KIF6: variants seen among roughly 807,000 people sequenced by gnomAD.
The protein encoded by KIF6 is kinesin-like protein KIF6.
KIF6 carries 106 observed loss-of-function variants against 112.7 expected under a neutral mutation model. That is an observed-to-expected ratio of 0.94 (90% confidence interval 0.80 to 1.11). The LOEUF (loss-of-function observed/expected upper bound fraction) is 1.11, where lower values mean the gene tolerates loss of function less well. Among genes scored for constraint, KIF6 ranks in the 50% least tolerant of loss-of-function variants. The pLI, the probability that KIF6 is intolerant of heterozygous loss-of-function variation, is 0.00. For synonymous variants in KIF6, 339 were observed against 339.9 expected (o/e 1.00, Z 0.03); for missense variants, 929 against 964.0 (o/e 0.96, Z 0.48).
Position 39,445,573 on chromosome 6 carries a change from C to T in KIF6, c.1646-14412G>A, listed in dbSNP as rs1166440121. 3.9e-5 allele frequency among the ~76,000 whole-genome samples: 6 copies of T among 152,042 alleles called. No homozygotes were observed. In the East Asian group the frequency reaches 1.2e-3, roughly 29 times the overall value. On this transcript the variant is annotated intron_variant, in intron 13 of 22. Transcript: ENST00000287152. ...GCTCAGCACTGAGGGCATGGGAAGG[C>T]CAAAGTTTATGTTAAAAGGCAGGTG...
intron 2 of KIF6, among the ~76,000 whole-genome samples, chr6:39,717,363 G>C (rs561681856): frequency 3.9e-5 from 6 of 151,992 alleles, no homozygotes; most frequent in Non-Finnish European, 7.4e-5. Context: ...CATGCCGGGC[G>C]TTCTCCCCAT....
chr6:39,374,743 GAA>G lies in KIF6; in HGVS notation c.1861+10877_1861+10878del, dbSNP rs1766296834. ...AGATAAGTGTTGGTGAGGATGTGGA[GAA>G]AAGAGAACCCTTGTACACTGTTGGT... On this transcript the variant is annotated intron_variant, in intron 16 of 22. Transcript: ENST00000287152. Among the ~76,000 whole-genome samples the G allele has an allele frequency of 2.0e-5, 3 of 152,294 alleles. No homozygotes were observed. In the South Asian group the frequency reaches 6.2e-4, roughly 32 times the overall value.
rs374858139 is a variant in KIF6, at chr6:39,646,123, A to AAT, written c.252-6368_252-6367dup. Reference sequence around the variant, plus strand: ...ACCCTAGAACTTAACGTATAAGAAAAATATATATATATATAAAATAAATAA... The same window carrying AAT: ...ACCCTAGAACTTAACGTATAAGAAAAATATATATATATATATAAAATAAATAA... On this transcript the variant is annotated intron_variant, in intron 3 of 22. Transcript: ENST00000287152. 1.1e-3 allele frequency among the ~76,000 whole-genome samples: 160 copies of AAT among 149,510 alleles called. 1 individual carries two copies. The highest frequency in any genetic ancestry group is 2.0e-3 in the African/African-American group (81 of 40,764).
chr6:39,432,045 A>C (rs903044556), intron 13 of KIF6, among the ~76,000 whole-genome samples: 7 of 151,940 alleles, frequency 4.6e-5, no homozygotes, highest in East Asian at 3.9e-4. Context: ...ACCTCCGTGG[A>C]GCTTTCGTCA....
At chr6:39,397,204 T>C (rs776009872) in intron 15 of KIF6, among the ~76,000 whole-genome samples, 10 of 152,298 alleles carry the variant, frequency 6.6e-5, no homozygotes, top group Non-Finnish European at 1.0e-4. Flanking sequence ...ACCATCACTT[T>C]AGTTAGTAAT....
intron 16 of KIF6, among the ~76,000 whole-genome samples, chr6:39,363,366 A>G (rs1408742332): frequency 6.6e-6 from 1 of 152,156 alleles, no homozygotes; most frequent in Non-Finnish European, 1.5e-5. Context: ...GATGAGCCCA[A>G]GCCTTGGCGA....
chr6:39,367,302 GTCTCCA>G (rs1213474521), intron 16 of KIF6, among the ~76,000 whole-genome samples: 2 of 152,082 alleles, frequency 1.3e-5, no homozygotes, highest in Admixed American at 1.3e-4. Context: ...AGTTTTGTAG[GTCTCCA>G]TCCCCACGGG....
At chr6:39,714,827 A>G in intron 2 of KIF6, 61 bp from the exon 3 acceptor site, 1 of 1,122,426 alleles carries the variant, frequency 8.9e-7, no homozygotes, top group Non-Finnish European at 1.3e-6. Context: ...TCAGATTAAT[A>G]AATCTTGTTT....
At chr6:39,347,883 A>G (rs1763929493) in intron 19 of KIF6, among the ~76,000 whole-genome samples, 1 of 152,180 alleles carries the variant, frequency 6.6e-6, no homozygotes, top group Non-Finnish European at 1.5e-5. Context: ...GAGCCTGGGG[A>G]AGCCCCCCCT....
At chr6:39,558,931 A>G (rs547791506) in intron 10 of KIF6, among the ~76,000 whole-genome samples, 1 of 152,330 alleles carries the variant, frequency 6.6e-6, no homozygotes, top group African/African-American at 2.4e-5. Context: ...CTTTTTAATC[A>G]TATGAGATAA....
At chr6:39,685,956 A>C (rs1183945071) in intron 3 of KIF6, among the ~76,000 whole-genome samples, 4 of 152,256 alleles carry the variant, frequency 2.6e-5, no homozygotes, top group Non-Finnish European at 5.9e-5. Flanking sequence ...TACAATGCAA[A>C]AATCTGCTGC....
intron 3 of KIF6, among the ~76,000 whole-genome samples, chr6:39,657,598 T>G (rs13193976): frequency 0.12 from 18,274 of 152,284 alleles, 1,520 homozygotes; most frequent in South Asian, 0.24. Flanking sequence ...ATAAAAGTTG[T>G]GCAAGTAAAG....
At chr6:39,601,718 AC>A (rs1782582582) in intron 6 of KIF6, among the ~76,000 whole-genome samples, 1 of 116,084 alleles carries the variant, frequency 8.6e-6, no homozygotes, top group Non-Finnish European at 1.6e-5. Context: ...TGGGACACAC[AC>A]ACACACACAC....
At chr6:39,414,754 G>A (rs1562192305) in intron 15 of KIF6, among the ~76,000 whole-genome samples, 3 of 152,176 alleles carry the variant, frequency 2.0e-5, no homozygotes, top group Non-Finnish European at 4.4e-5. Flanking sequence ...ACAACTGAGA[G>A]AAATTTAAAC....
At chr6:39,442,254 G>C in intron 13 of KIF6, among the ~76,000 whole-genome samples, 1 of 152,218 alleles carries the variant, frequency 6.6e-6, no homozygotes, top group East Asian at 1.9e-4. Flanking sequence ...GGTGAGGAAA[G>C]GGCTGGCTTG....
intron 2 of KIF6, among the ~76,000 whole-genome samples, chr6:39,716,482 C>A (rs1789861757): frequency 6.6e-6 from 1 of 152,032 alleles, no homozygotes. Flanking sequence ...GTCATCATCC[C>A]AAAATATTGC....
intron 20 of KIF6, among the ~76,000 whole-genome samples, chr6:39,346,110 CCT>C (rs1562113164): frequency 0.17 from 5,831 of 34,544 alleles, 854 homozygotes; most frequent in African/African-American, 0.31. Context: ...TCCCCCCCTC[CCT>C]CTCCCTCTCC....
chr6:39,386,673 G>A (rs551064268), intron 15 of KIF6, among the ~76,000 whole-genome samples: 10 of 152,132 alleles, frequency 6.6e-5, no homozygotes, highest in African/African-American at 2.4e-4. Context: ...GTTAGAGTGA[G>A]AATTCCTGCC....
chr6:39,469,963 C>T (rs1442911697), intron 13 of KIF6, among the ~76,000 whole-genome samples: 2 of 152,164 alleles, frequency 1.3e-5, no homozygotes, highest in African/African-American at 4.8e-5. Context: ...ACCTAACAGA[C>T]AGTGTAGAAC....
Sources: gnomAD v4.1 joint callset for allele counts (sites outside exome capture counted in the v4.1 genomes callset) on GRCh38, gnomAD v4.1.1 for gene constraint, MANE v1.5 for transcripts, NCBI Gene and HGNC (gene_info 2026-07-23, HGNC 2026-07-21) for gene names.